The following NLK variants were observed in gnomAD, a reference collection of about 807,000 sequenced individuals.
NLK encodes serine/threonine-protein kinase NLK.
Under a neutral mutation model 59.0 loss-of-function variants are expected in NLK, and 11 were observed. The ratio of observed to expected loss-of-function variants is 0.19; its 90% CI spans 0.12 to 0.31. The LOEUF (loss-of-function observed/expected upper bound fraction) is 0.31, where lower values mean the gene tolerates loss of function less well. Ranked by LOEUF, NLK falls within the 10% of genes least tolerant of loss-of-function variation. The pLI is 1.00. For synonymous variants in NLK, 235 were observed against 235.9 expected, an observed-to-expected ratio of 1.00 and a Z score of 0.03; for missense variants, 410 against 661.1, an observed-to-expected ratio of 0.62 and a Z score of 4.16.
intron 5 of NLK, among the ~76,000 whole-genome samples, chr17:28,165,224 A>G (rs920138890): frequency 1.3e-4 from 20 of 152,186 alleles, no homozygotes; most frequent in African/African-American, 4.8e-4. Flanking sequence ...TCCTATTCAT[A>G]CCTAATCAAT....
Position 28,098,675 on chromosome 17 carries a change from C to CTTT in NLK, c.459-23906_459-23904dup, listed in dbSNP as rs781294029. Among the ~76,000 whole-genome samples the CTTT allele has an allele frequency of 4.1e-3, 275 of 67,452 alleles. 1 individual carries two copies. Among genetic ancestry groups the CTTT allele is most frequent in the African/African-American group, 6.1e-3 (98 of 16,010 alleles). 44.3% of individuals were successfully genotyped at this position (67,452 alleles called of 152,430 possible). On this transcript the variant is annotated intron_variant, in intron 1 of 10. Coordinates refer to ENST00000407008, the MANE Select transcript of NLK (RefSeq NM_016231.5). The stretch of plus-strand genomic sequence containing the variant: ...CTATGAAAAGTTTTTCATTACCATT[C>CTTT]TTTTTTTTTTTTTTTTTTTTTTTTG...
At chr17:28,136,049 G>C (rs1346392500) in intron 3 of NLK, among the ~76,000 whole-genome samples, 1 of 152,168 alleles carries the variant, frequency 6.6e-6, no homozygotes, top group Non-Finnish European at 1.5e-5. Flanking sequence ...TCATCAGTTA[G>C]AATGTTTCTT....
chr17:28,061,962 C>T (rs1228133335), intron 1 of NLK: 1 of 143,242 alleles, frequency 7.0e-6, no homozygotes, highest in Non-Finnish European at 1.5e-5. Flanking sequence ...GAAAACAGTG[C>T]CATCATGTCA....
At chr17:28,084,187 T>C (rs1910437352) in intron 1 of NLK, among the ~76,000 whole-genome samples, 1 of 152,190 alleles carries the variant, frequency 6.6e-6, no homozygotes. Context: ...TAACTACCTA[T>C]GAGTATTGTT....
intron 1 of NLK, among the ~76,000 whole-genome samples, chr17:28,089,936 A>G (rs1904426437): frequency 6.6e-6 from 1 of 152,154 alleles, no homozygotes; most frequent in Non-Finnish European, 1.5e-5. Flanking sequence ...GCTGAATACA[A>G]ATCCTTTATC....
In NLK at chr17:28,042,732, T is replaced by G; in HGVS notation, c.-142T>G. The G allele has an allele frequency of 1.4e-6, 1 of 720,892 alleles. No individual in the cohort carries two copies. Among genetic ancestry groups the G allele is most frequent in the Non-Finnish European group, 2.1e-6 (1 of 467,448 alleles). The allele number at this position is 720,892 out of a possible 1,614,324, so 44.7% of individuals were successfully genotyped here. A position where few individuals can be genotyped will look rare whatever the true frequency, so the allele number is the denominator to read the frequency against. ...CTCACCCCAAAATTAAACACCAAGA[T>G]CCTCTAACTTGTTTGGATTGACTGA... On this transcript the variant is annotated 5_prime_UTR_variant, in exon 1 of 11. Coordinates refer to ENST00000407008, the MANE Select transcript of NLK (RefSeq NM_016231.5).
intron 1 of NLK, among the ~76,000 whole-genome samples, chr17:28,043,735 C>T (rs573917437): frequency 2.1e-4 from 32 of 152,304 alleles, no homozygotes; most frequent in Admixed American, 9.8e-4. Context: ...CTTTATAATA[C>T]TCTTGTCATT....
At chr17:28,190,377 C>A (rs1369598106) in intron 8 of NLK, among the ~76,000 whole-genome samples, 2 of 152,268 alleles carry the variant, frequency 1.3e-5, no homozygotes, top group East Asian at 3.9e-4. Flanking sequence ...CCCAGCACTT[C>A]AGGAGGCCAA....
intron 1 of NLK, among the ~76,000 whole-genome samples, chr17:28,069,965 G>A (rs77782076): frequency 6.6e-4 from 101 of 152,156 alleles, no homozygotes; most frequent in Middle Eastern, 3.4e-3. Context: ...GCTGGGCATG[G>A]TGTTTCGTGC....
intron 1 of NLK, among the ~76,000 whole-genome samples, chr17:28,099,089 C>T (rs1389794897): frequency 1.3e-5 from 2 of 151,900 alleles, no homozygotes; most frequent in African/African-American, 2.4e-5. Flanking sequence ...TTAAGGGTTT[C>T]GATAATACAA....
At chr17:28,139,616 A>G (rs891091992) in intron 3 of NLK, among the ~76,000 whole-genome samples, 1 of 152,222 alleles carries the variant, frequency 6.6e-6, no homozygotes, top group African/African-American at 2.4e-5. Flanking sequence ...ACAAAGATGC[A>G]TTGTTCATTT....
chr17:28,144,468 C>G (rs1288891280), intron 3 of NLK, among the ~76,000 whole-genome samples: 4 of 150,944 alleles, frequency 2.6e-5, no homozygotes, highest in Non-Finnish European at 5.9e-5. Flanking sequence ...AAATATATCT[C>G]TAAAACTTCC....
chr17:28,109,380 T>C (rs1286895330), intron 1 of NLK, among the ~76,000 whole-genome samples: 4 of 152,200 alleles, frequency 2.6e-5, no homozygotes, highest in Non-Finnish European at 5.9e-5. Flanking sequence ...AACAACTTTA[T>C]TGAGGCATAA....
intron 3 of NLK, among the ~76,000 whole-genome samples, chr17:28,153,517 G>A (rs1597713239): frequency 6.6e-6 from 1 of 152,198 alleles, no homozygotes; most frequent in Non-Finnish European, 1.5e-5. Context: ...TTTATAGAGA[G>A]GCTCTGACCT....
intron 7 of NLK, among the ~76,000 whole-genome samples, chr17:28,175,502 G>A (rs970815880): frequency 1.3e-5 from 2 of 152,076 alleles, no homozygotes; most frequent in Non-Finnish European, 2.9e-5. Flanking sequence ...CATGTTGCAC[G>A]TGTTTTGAAT....
At chr17:28,095,376 C>G (rs1368089762) in intron 1 of NLK, among the ~76,000 whole-genome samples, 1 of 152,098 alleles carries the variant, frequency 6.6e-6, no homozygotes, top group African/African-American at 2.4e-5. Flanking sequence ...CGTTCCATTC[C>G]TAATTCAGAT....
At chr17:28,079,642 C>T (rs1910277396) in intron 1 of NLK, among the ~76,000 whole-genome samples, 1 of 152,056 alleles carries the variant, frequency 6.6e-6, no homozygotes, top group South Asian at 2.1e-4. Flanking sequence ...GCTTGTTGGC[C>T]ATTTGTGTAT....
intron 2 of NLK, among the ~76,000 whole-genome samples, chr17:28,130,704 A>T (rs1370157287): frequency 6.6e-6 from 1 of 152,142 alleles, no homozygotes; most frequent in Non-Finnish European, 1.5e-5. Flanking sequence ...TCCCCCTTAG[A>T]CAGGATGTGT....
intron 1 of NLK, among the ~76,000 whole-genome samples, chr17:28,078,552 T>G (rs1910242004): frequency 6.6e-6 from 1 of 152,154 alleles, no homozygotes; most frequent in South Asian, 2.1e-4. Flanking sequence ...TGTTATCTCT[T>G]TCTGCCAGGA....
Sources: allele counts gnomAD v4.1 joint callset (sites outside exome capture counted in the v4.1 genomes callset), GRCh38; gene constraint gnomAD v4.1.1; transcripts MANE v1.5; gene names NCBI Gene and HGNC (gene_info 2026-07-23, HGNC 2026-07-21).